The following PARD3 variants were observed in gnomAD, a reference collection of about 807,000 sequenced individuals.
PARD3 encodes the protein par-3 family cell polarity regulator, also known as partitioning defective 3 homolog.
In PARD3, 75 loss-of-function variants were observed where a neutral mutation model predicts 155.4. The ratio of observed to expected loss-of-function variants is 0.48; its 90% CI spans 0.40 to 0.58. The LOEUF is 0.58. PARD3 is among the 20% of genes least tolerant of loss of function. The pLI, the probability that PARD3 is intolerant of heterozygous loss-of-function variation, is 0.00. For synonymous variants in PARD3, 576 were observed against 610.5 expected (o/e 0.94, Z 0.83); for missense variants, 1,642 against 1,721.7 (o/e 0.95, Z 0.82).
rs191735765 is a variant in PARD3 at position 34,577,954 on chromosome 10, C to A, written c.223-60795G>T. On this transcript the variant is annotated intron_variant, in intron 2 of 24. Transcript: ENST00000374788. ...GCAGCTTCAAACTCCTGGGCTCATG[C>A]GATCCTCCTGCCTCGGCCTCCTGAG... is the stretch of plus-strand genomic sequence containing the variant. Among the ~76,000 whole-genome samples the A allele has an allele frequency of 9.9e-5, 15 of 151,914 alleles. No individual in the cohort carries two copies. The South Asian group carries it at 2.9e-3, about 30-fold the overall frequency.
intron 2 of PARD3, among the ~76,000 whole-genome samples, chr10:34,556,444 G>A (rs536751474): frequency 8.5e-4 from 127 of 150,022 alleles, no homozygotes; most frequent in South Asian, 5.1e-3. Flanking sequence ...GTGCAGTGGC[G>A]AGATCTCCGC....
chr10:34,573,735 AAACAC>A (rs2086650589), intron 2 of PARD3, among the ~76,000 whole-genome samples: 6 of 12,286 alleles, frequency 4.9e-4, no homozygotes, highest in Middle Eastern at 0.1. Flanking sequence ...AAACAAACAA[AAACAC>A]ACACACACAC....
intron 9 of PARD3, among the ~76,000 whole-genome samples, chr10:34,381,345 AT>A (rs1216012277): frequency 9.8e-5 from 15 of 152,350 alleles, no homozygotes; most frequent in South Asian, 2.1e-4. Flanking sequence ...ATAAAAAAAA[AT>A]ATTCTTTATA....
intron 5 of PARD3, among the ~76,000 whole-genome samples, chr10:34,403,642 G>C (rs1170562281): frequency 6.6e-6 from 1 of 152,152 alleles, no homozygotes; most frequent in Non-Finnish European, 1.5e-5. Context: ...CATGAAGCCA[G>C]GCTATTTGAT....
At chr10:34,398,331 A>T (rs1241648618) in intron 7 of PARD3, among the ~76,000 whole-genome samples, 1 of 152,180 alleles carries the variant, frequency 6.6e-6, no homozygotes, top group Non-Finnish European at 1.5e-5. Flanking sequence ...ATCTTCTACA[A>T]CACCCTAGAT....
chr10:34,146,227 A>T (rs1948498141), intron 22 of PARD3, among the ~76,000 whole-genome samples: 1 of 152,170 alleles, frequency 6.6e-6, no homozygotes, highest in African/African-American at 2.4e-5. Context: ...TTAATTCTCA[A>T]TTATTTTCAA....
intron 22 of PARD3, among the ~76,000 whole-genome samples, chr10:34,184,470 T>C (rs1950398359): frequency 6.6e-6 from 1 of 152,188 alleles, no homozygotes; most frequent in South Asian, 2.1e-4. Context: ...AGAGAATTAA[T>C]TAATGTTTGC....
chr10:34,678,933 ATCCT>A (rs1215473658), intron 2 of PARD3, among the ~76,000 whole-genome samples: 1 of 152,058 alleles, frequency 6.6e-6, no homozygotes, highest in African/African-American at 2.4e-5. Flanking sequence ...CCTTCACCGA[ATCCT>A]TCCGAGAGGT....
At chr10:34,345,257 C>G (rs925307435) in intron 15 of PARD3, 1 of 985,176 alleles carries the variant, frequency 1.0e-6, no homozygotes, top group Non-Finnish European at 1.2e-6. Flanking sequence ...TCTAAAGGCT[C>G]TTCCTTTTGG....
chr10:34,174,458 G>T (rs1949945616), intron 22 of PARD3, among the ~76,000 whole-genome samples: 1 of 152,188 alleles, frequency 6.6e-6, no homozygotes, highest in Non-Finnish European at 1.5e-5. Context: ...AAATGCTTGT[G>T]TTACACATTG....
chr10:34,366,735 A>T (rs1235318178), intron 12 of PARD3, among the ~76,000 whole-genome samples: 1 of 152,216 alleles, frequency 6.6e-6, no homozygotes, highest in East Asian at 1.9e-4. Context: ...TGGAGAAATT[A>T]TCATGGTTTT....
chr10:34,428,932 A>G (rs1263102061), intron 5 of PARD3, among the ~76,000 whole-genome samples: 2 of 152,144 alleles, frequency 1.3e-5, no homozygotes, highest in African/African-American at 4.8e-5. Flanking sequence ...GAAAGAAAGA[A>G]CTCTTGCTCA....
At chr10:34,571,322 C>T (rs1323047042) in intron 2 of PARD3, among the ~76,000 whole-genome samples, 1 of 152,026 alleles carries the variant, frequency 6.6e-6, no homozygotes, top group Non-Finnish European at 1.5e-5. Flanking sequence ...TTAAAAACAA[C>T]AAGACAAAAC....
chr10:34,247,956 A>G (rs1954064805), intron 22 of PARD3, among the ~76,000 whole-genome samples: 2 of 152,208 alleles, frequency 1.3e-5, no homozygotes, highest in African/African-American at 4.8e-5. Flanking sequence ...CTTTGTACTG[A>G]TAAGTAACTG....
intron 20 of PARD3, among the ~76,000 whole-genome samples, chr10:34,299,703 C>A (rs1313488398): frequency 6.6e-6 from 1 of 152,052 alleles, no homozygotes; most frequent in Non-Finnish European, 1.5e-5. Flanking sequence ...GAATGTGGGA[C>A]CTTCTGAAAA....
At chr10:34,311,567 C>T (rs1466600365) in intron 20 of PARD3, among the ~76,000 whole-genome samples, 1 of 152,208 alleles carries the variant, frequency 6.6e-6, no homozygotes, top group Non-Finnish European at 1.5e-5. Context: ...GTGATTCGAA[C>T]ACTTGGCCGG....
chr10:34,551,742 G>C (rs922327976), intron 2 of PARD3, among the ~76,000 whole-genome samples: 1 of 152,180 alleles, frequency 6.6e-6, no homozygotes, highest in African/African-American at 2.4e-5. Context: ...GGGCACTGGG[G>C]GTGGCCATGG....
chr10:34,478,629 C>T (rs1237222512), intron 3 of PARD3, among the ~76,000 whole-genome samples: 2 of 152,054 alleles, frequency 1.3e-5, no homozygotes, highest in Non-Finnish European at 2.9e-5. Flanking sequence ...CTGCAACCTC[C>T]GCCTCCCAGG....
Position 34,606,003 on chromosome 10 carries a change from ATATATATCTCCTATATC to A in PARD3, c.223-88861_223-88845del, listed in dbSNP as rs1216559144. Among the ~76,000 whole-genome samples, 5 of 65,176 alleles carry A rather than the reference ATATATATCTCCTATATC, an allele frequency of 7.7e-5. 1 individual carries two copies. The highest frequency in any genetic ancestry group is 1.7e-4 in the African/African-American group (3 of 18,164). 42.8% of individuals were successfully genotyped at this position (65,176 alleles called of 152,430 possible). A position where few individuals can be genotyped will look rare whatever the true frequency, so the allele number is the denominator to read the frequency against. ...TCCTATATATATATATCTCCTATAT[ATATATATCTCCTATATC>A]TATATCTCCTATATATATATATCTT... On this transcript the variant is annotated intron_variant, in intron 2 of 24. Coordinates refer to ENST00000374788, the MANE Select transcript of PARD3 (RefSeq NM_001184785.2).
Sources: gnomAD v4.1 joint callset for allele counts (sites outside exome capture counted in the v4.1 genomes callset) on GRCh38, gnomAD v4.1.1 for gene constraint, MANE v1.5 for transcripts, NCBI Gene and HGNC (gene_info 2026-07-23, HGNC 2026-07-21) for gene names.